MARCHF4: variants seen among roughly 807,000 people sequenced by gnomAD.
The protein encoded by MARCHF4 is membrane associated ring-CH-type finger 4.
A neutral mutation model predicts 43.9 loss-of-function variants in MARCHF4; 14 were observed. The observed-to-expected ratio is 0.32, with a 90% CI of 0.21 to 0.50. The LOEUF is 0.50. MARCHF4 is among the 20% of genes least tolerant of loss of function. The probability of loss-of-function intolerance (pLI) is 0.98; values close to 1 mark genes in which losing one functional copy is unlikely to be tolerated. For missense variants in MARCHF4, 468 were observed against 536.7 expected, an observed-to-expected ratio of 0.87 and a Z score of 1.27; for synonymous variants, 226 against 213.3, an observed-to-expected ratio of 1.06 and a Z score of -0.52.
At chr2:216,279,004 G>A (rs575926717) in intron 2 of MARCHF4, among the ~76,000 whole-genome samples, 1 of 152,322 alleles carries the variant, frequency 6.6e-6, no homozygotes, top group East Asian at 1.9e-4. Context: ...GAAGCCCTAG[G>A]CGAAAACAGA....
In MARCHF4 at chr2:216,258,523, TGTGTGTGTG is replaced by T. The variant is rs1690688579; in HGVS notation, c.*780_*788del. On this transcript the variant is annotated 3_prime_UTR_variant, in exon 4 of 4. Coordinates refer to ENST00000273067, the MANE Select transcript of MARCHF4 (RefSeq NM_020814.3). ...TTCTCTAGGGGTGTGTGTGTGTGTG[TGTGTGTGTG>T]TGTGTGTGTGTGTCCTGTAAACATC... 3.9e-5 allele frequency: 6 copies of T among 153,476 alleles called. No homozygotes were observed. The highest frequency in any genetic ancestry group is 1.5e-4 in the African/African-American group (6 of 41,304). The allele number at this position is 153,476 out of a possible 1,614,324, so 9.5% of individuals were successfully genotyped here. A position where few individuals can be genotyped will look rare whatever the true frequency, so the allele number is the denominator to read the frequency against.
chr2:216,339,080 G>A (rs1303619028), intron 1 of MARCHF4, among the ~76,000 whole-genome samples: 3 of 152,132 alleles, frequency 2.0e-5, no homozygotes, highest in African/African-American at 7.2e-5. Flanking sequence ...TCCTAAGAGA[G>A]GTGAGAGTTA....
intron 1 of MARCHF4, among the ~76,000 whole-genome samples, chr2:216,324,781 C>A (rs527551674): frequency 1.7e-5 from 2 of 115,642 alleles, no homozygotes; most frequent in East Asian, 6.9e-4. Context: ...ATGCTAAAAA[C>A]TCTCAATAAA....
intron 1 of MARCHF4, among the ~76,000 whole-genome samples, chr2:216,365,802 C>T (rs1692657443): frequency 6.6e-6 from 1 of 152,218 alleles, no homozygotes; most frequent in Non-Finnish European, 1.5e-5. Context: ...TGTTCTTGAT[C>T]TCTATCAGCC....
intron 1 of MARCHF4, among the ~76,000 whole-genome samples, chr2:216,306,056 T>C (rs907695178): frequency 2.0e-5 from 3 of 152,176 alleles, no homozygotes; most frequent in Non-Finnish European, 4.4e-5. Flanking sequence ...ATTATCATCA[T>C]TGTAGAGACT....
chr2:216,318,818 A>T (rs1224603322), intron 1 of MARCHF4, among the ~76,000 whole-genome samples: 1 of 152,170 alleles, frequency 6.6e-6, no homozygotes, highest in Admixed American at 6.5e-5. Flanking sequence ...AACTTTAATG[A>T]TGTGACTAAG....
At chr2:216,269,836 A>C (rs560346697) in intron 3 of MARCHF4, among the ~76,000 whole-genome samples, 4 of 152,172 alleles carry the variant, frequency 2.6e-5, no homozygotes, top group South Asian at 2.1e-4. Context: ...TACAGCTGCC[A>C]CTTGGGAAAC....
intron 1 of MARCHF4, among the ~76,000 whole-genome samples, chr2:216,291,030 G>T (rs1691298420): frequency 6.6e-6 from 1 of 152,124 alleles, no homozygotes; most frequent in Non-Finnish European, 1.5e-5. Context: ...AGAGTCATTT[G>T]GTGTACAGAT....
At chr2:216,273,180 C>T (rs1690965951) in intron 3 of MARCHF4, among the ~76,000 whole-genome samples, 1 of 152,178 alleles carries the variant, frequency 6.6e-6, no homozygotes, top group South Asian at 2.1e-4. Context: ...ATGAGCTGTC[C>T]CTCAGCACAC....
intron 3 of MARCHF4, among the ~76,000 whole-genome samples, chr2:216,268,388 C>A (rs554561135): frequency 1.4e-3 from 210 of 152,286 alleles, no homozygotes; most frequent in Non-Finnish European, 2.5e-3. Context: ...AAGAAAGGGA[C>A]CTATAATCCC....
chr2:216,310,127 T>A (rs1361291030), intron 1 of MARCHF4, among the ~76,000 whole-genome samples: 1 of 152,156 alleles, frequency 6.6e-6, no homozygotes, highest in Non-Finnish European at 1.5e-5. Flanking sequence ...CCCAGTGCAA[T>A]CACTCAAGTG....
At chr2:216,293,088 T>C (rs970735553) in intron 1 of MARCHF4, among the ~76,000 whole-genome samples, 1 of 152,198 alleles carries the variant, frequency 6.6e-6, no homozygotes, top group Non-Finnish European at 1.5e-5. Flanking sequence ...CTAGAATCCA[T>C]TGCTGTTCAC....
chr2:216,317,375 C>A (rs1180444981), intron 1 of MARCHF4, among the ~76,000 whole-genome samples: 5 of 152,134 alleles, frequency 3.3e-5, no homozygotes, highest in African/African-American at 1.2e-4. Flanking sequence ...CCATGAGGAG[C>A]CAATTTGGGT....
chr2:216,336,741 TTAAAAAAAAA>T (rs1692162168), intron 1 of MARCHF4, among the ~76,000 whole-genome samples: 1 of 54,132 alleles, frequency 1.8e-5, no homozygotes, highest in Admixed American at 2.4e-4. Context: ...GCAAATAGAT[TTAAAAAAAAA>T]AAAAAAAAAA....
chr2:216,281,265 G>A (rs571562337), intron 2 of MARCHF4, among the ~76,000 whole-genome samples: 2 of 152,080 alleles, frequency 1.3e-5, no homozygotes, highest in East Asian at 3.9e-4. Flanking sequence ...GTCTCATTAT[G>A]TTGCCCAGGC....
intron 3 of MARCHF4, among the ~76,000 whole-genome samples, chr2:216,260,336 A>G (rs1050221831): frequency 2.0e-5 from 3 of 152,268 alleles, no homozygotes; most frequent in African/African-American, 7.2e-5. Context: ...GAGACACACA[A>G]TAGACAAACA....
chr2:216,272,557 G>A (rs746368500), intron 3 of MARCHF4, among the ~76,000 whole-genome samples: 6 of 152,220 alleles, frequency 3.9e-5, no homozygotes, highest in Non-Finnish European at 7.3e-5. Context: ...ACAGCCAGAA[G>A]TTCTTGGTCC....
chr2:216,351,504 A>G (rs1692404086), intron 1 of MARCHF4: 1 of 152,234 alleles, frequency 6.6e-6, no homozygotes, highest in African/African-American at 2.4e-5. Flanking sequence ...ACTAGCCTTT[A>G]AAAAATAAAT....
chr2:216,347,906 C>T (rs1034356643), intron 1 of MARCHF4, among the ~76,000 whole-genome samples: 1 of 151,334 alleles, frequency 6.6e-6, no homozygotes, highest in Admixed American at 6.6e-5. Flanking sequence ...TTCATACATC[C>T]CTCATTGAGT....
Sources: allele counts gnomAD v4.1 joint callset (sites outside exome capture counted in the v4.1 genomes callset), GRCh38; gene constraint gnomAD v4.1.1; transcripts MANE v1.5; gene names NCBI Gene and HGNC (gene_info 2026-07-23, HGNC 2026-07-21).